Variants in SLC9A9 observed in about 807,000 individuals in gnomAD.
The protein encoded by SLC9A9 is sodium/hydrogen exchanger 9.
SLC9A9 carries 62 observed loss-of-function variants against 77.8 expected under a neutral mutation model. That is an observed-to-expected ratio of 0.80 (90% CI 0.65 to 0.98). The LOEUF (loss-of-function observed/expected upper bound fraction) is 0.98, where lower values mean the gene tolerates loss of function less well. Ranked by LOEUF, SLC9A9 falls within the 50% of genes least tolerant of loss-of-function variation. The pLI is 0.00. For missense variants in SLC9A9, 775 were observed against 774.9 expected (o/e 1.00, Z 0.00); for synonymous variants, 320 against 283.5 (o/e 1.13, Z -1.29).
intron 4 of SLC9A9, among the ~76,000 whole-genome samples, chr3:143,698,711 T>A (rs1933710873): frequency 6.6e-6 from 1 of 152,194 alleles, no homozygotes; most frequent in South Asian, 2.1e-4. Context: ...TCTTCTTTTT[T>A]AAAAATAACC....
chr3:143,796,873 C>T lies in SLC9A9; in HGVS notation c.409G>A (p.Val137Ile), dbSNP rs763993132. 1.5e-5 allele frequency: 24 copies of T among 1,611,558 alleles called. No individual in the cohort carries two copies. The highest frequency in any genetic ancestry group is 2.7e-5 in the African/African-American group (2 of 74,722). Residue 137 changes from valine to isoleucine, a missense_variant, in exon 3 of 16, where the codon GTT becomes ATT. By Grantham distance (29) the Val-to-Ile change is conservative (BLOSUM62 3). Transcript: ENST00000316549. ...MTFDPEIFFN[V>I]LLPPIIFHAG... is the part of the protein sequence containing the mutation. The stretch of plus-strand genomic sequence containing the variant: ...TGAAATATAATTGGTGGCAGTAAAA[C>T]ATTGAAGAAGATTTCTGGATCAAAT...
intron 11 of SLC9A9, among the ~76,000 whole-genome samples, chr3:143,483,927 C>T (rs957265701): frequency 4.3e-5 from 6 of 140,282 alleles, no homozygotes; most frequent in East Asian, 1.9e-4. Context: ...TTGTCTTGTT[C>T]GCACAAATAC....
chr3:143,553,190 G>C (rs1266046757), intron 8 of SLC9A9, among the ~76,000 whole-genome samples: 1 of 152,124 alleles, frequency 6.6e-6, no homozygotes, highest in African/African-American at 2.4e-5. Flanking sequence ...CTTTAAATGT[G>C]ACATGAAGTC....
chr3:143,477,202 C>T (rs1394615467), intron 11 of SLC9A9, among the ~76,000 whole-genome samples: 1 of 152,150 alleles, frequency 6.6e-6, no homozygotes, highest in Non-Finnish European at 1.5e-5. Context: ...TGGTGTGAGT[C>T]ACTTCTGGTC....
At chr3:143,801,775 T>G (rs1214491525) in intron 2 of SLC9A9, among the ~76,000 whole-genome samples, 4 of 152,190 alleles carry the variant, frequency 2.6e-5, no homozygotes, top group Non-Finnish European at 5.9e-5. Context: ...GCCGAACTCA[T>G]TGCCTTAACT....
chr3:143,788,154 G>T, intron 4 of SLC9A9, among the ~76,000 whole-genome samples: 1 of 151,922 alleles, frequency 6.6e-6, no homozygotes, highest in Middle Eastern at 3.2e-3. Context: ...TGGTATTAGT[G>T]TAATTAGTTA....
At chr3:143,842,196 C>G (rs542463925) in intron 1 of SLC9A9, among the ~76,000 whole-genome samples, 1 of 152,246 alleles carries the variant, frequency 6.6e-6, no homozygotes, top group South Asian at 2.1e-4. Flanking sequence ...CTGGCTAACA[C>G]AGTGAAACCC....
intron 12 of SLC9A9, among the ~76,000 whole-genome samples, chr3:143,438,257 C>T (rs1181813144): frequency 6.6e-6 from 1 of 152,192 alleles, no homozygotes; most frequent in African/African-American, 2.4e-5. Context: ...TCATGTGTGT[C>T]AGGGCGGTTG....
chr3:143,404,067 T>A (rs1449898337), intron 12 of SLC9A9, among the ~76,000 whole-genome samples: 1 of 152,164 alleles, frequency 6.6e-6, no homozygotes. Context: ...GTTCACTGAC[T>A]ATTTCTTTTT....
chr3:143,382,210 C>A, intron 12 of SLC9A9, 96 bp from the exon 13 acceptor site: 2 of 1,309,938 alleles, frequency 1.5e-6, no homozygotes, highest in Non-Finnish European at 1.1e-6. Context: ...CAATGTGAAT[C>A]TGAGAAAAGA....
chr3:143,569,062 T>C (rs1323375933), intron 8 of SLC9A9, among the ~76,000 whole-genome samples: 1 of 152,056 alleles, frequency 6.6e-6, no homozygotes, highest in Non-Finnish European at 1.5e-5. Context: ...TCATAACATA[T>C]TCCTGGGTGG....
intron 4 of SLC9A9, among the ~76,000 whole-genome samples, chr3:143,731,607 C>T (rs1934805066): frequency 6.6e-6 from 1 of 152,178 alleles, no homozygotes; most frequent in Non-Finnish European, 1.5e-5. Context: ...TTCTTACTGT[C>T]AATATGGTAT....
intron 12 of SLC9A9, among the ~76,000 whole-genome samples, chr3:143,464,654 T>C (rs1038473324): frequency 3.9e-5 from 6 of 152,058 alleles, no homozygotes; most frequent in African/African-American, 1.5e-4. Context: ...AACCAGCGAT[T>C]CTCAAAATGT....
At position 143,796,889 on chromosome 3, in the gene SLC9A9, T is replaced by A. The variant is rs761549882; in HGVS notation, c.393A>T (p.Pro131=). ...GCAGTAAAACATTGAAGAAGATTTC[T>A]GGATCAAATGTCATCTGCCAGAAAG... ...NAILEKMTFD[P]EIFFNVLLPP... The change falls in exon 3 of 16, where the codon CCA becomes CCT. Residue 131 remains proline, a synonymous_variant. Transcript: ENST00000316549. The A allele has an allele frequency of 6.2e-7, 1 of 1,612,458 alleles. No homozygotes were observed. The highest frequency in any genetic ancestry group is 1.7e-5 in the Admixed American group (1 of 59,984).
intron 4 of SLC9A9, among the ~76,000 whole-genome samples, chr3:143,758,868 T>G (rs1482972722): frequency 2.6e-5 from 4 of 152,120 alleles, no homozygotes; most frequent in African/African-American, 7.2e-5. Flanking sequence ...AATGAGAGGT[T>G]ACTAACAAGT....
Position 143,503,199 on chromosome 3 carries a change from G to T in SLC9A9, c.1090-7751C>A, listed in dbSNP as rs568208906. ...GGGAGATTCTCAGTGTGGTTGGGGG[G>T]TACTAAGTGGGGCAGGGACTGCACA... On this transcript the variant is annotated intron_variant, in intron 9 of 15. Coordinates refer to ENST00000316549, the MANE Select transcript of SLC9A9 (RefSeq NM_173653.4). 7.2e-4 allele frequency: 138 copies of T among 192,108 alleles called. 1 individual carries two copies. Among genetic ancestry groups the T allele is most frequent in the African/African-American group, 3.0e-3 (126 of 42,010 alleles). 11.9% of individuals were successfully genotyped at this position (192,108 alleles called of 1,614,324 possible).
Position 143,317,790 on chromosome 3 carries a change from T to C in SLC9A9, c.1604+45694A>G, listed in dbSNP as rs550951883. Among the ~76,000 whole-genome samples the C allele has an allele frequency of 3.3e-5, 5 of 152,102 alleles. No homozygotes were observed. In the South Asian group the frequency reaches 8.3e-4, roughly 25 times the overall value. On this transcript the variant is annotated intron_variant, in intron 14 of 15. Transcript: ENST00000316549. ...TCACCCAGGCTGGAGTGCAGTGGAGTGATCTTGGCTCACTGCAAGCTCTGC... is the reference window on the plus strand; with the variant it reads ...TCACCCAGGCTGGAGTGCAGTGGAGCGATCTTGGCTCACTGCAAGCTCTGC...
At chr3:143,391,638 C>T (rs140563678) in intron 12 of SLC9A9, among the ~76,000 whole-genome samples, 1,702 of 152,130 alleles carry the variant, frequency 0.011, 22 homozygotes, top group African/African-American at 0.035. Flanking sequence ...AGGCTTCAAA[C>T]GATCAAACTT....
intron 13 of SLC9A9, among the ~76,000 whole-genome samples, chr3:143,371,832 A>G (rs1392162433): frequency 1.3e-5 from 2 of 152,204 alleles, no homozygotes; most frequent in Non-Finnish European, 2.9e-5. Flanking sequence ...AGATCCCTCC[A>G]AGAGACAACT....
Sources: gnomAD v4.1 joint callset for allele counts (sites outside exome capture counted in the v4.1 genomes callset) on GRCh38, gnomAD v4.1.1 for gene constraint, MANE v1.5 for transcripts, NCBI Gene and HGNC (gene_info 2026-07-23, HGNC 2026-07-21) for gene names.